The following ABCC1 variants were observed in gnomAD, a reference collection of about 807,000 sequenced individuals.
ABCC1 encodes the protein multidrug resistance-associated protein 1.
In ABCC1, 83 loss-of-function variants were observed where a neutral mutation model predicts 172.9. The ratio of observed to expected loss-of-function variants is 0.48; its 90% CI spans 0.40 to 0.58. The LOEUF is 0.58. Ranked by LOEUF, ABCC1 falls within the 20% of genes least tolerant of loss-of-function variation. ABCC1 has a pLI of 0.00. For missense variants in ABCC1, 1,817 were observed against 2,002.7 expected, an observed-to-expected ratio of 0.91 and a Z score of 1.77; for synonymous variants, 937 against 825.2, an observed-to-expected ratio of 1.14 and a Z score of -2.32.
intron 15 of ABCC1, among the ~76,000 whole-genome samples, chr16:16,077,193 G>T (rs879776992): frequency 3.9e-5 from 6 of 152,174 alleles, no homozygotes; most frequent in African/African-American, 1.4e-4. Flanking sequence ...AAACACAGGG[G>T]TGATGGGACC....
intron 5 of ABCC1, among the ~76,000 whole-genome samples, chr16:16,020,475 G>C (rs1027198868): frequency 4.6e-5 from 7 of 152,294 alleles, no homozygotes; most frequent in African/African-American, 1.7e-4. Context: ...CCTGCTGCCT[G>C]TTTTTGTAAA....
chr16:16,096,790 G>A lies in ABCC1; in HGVS notation c.2645-5837G>A, dbSNP rs529085784. On this transcript the variant is annotated intron_variant, in intron 19 of 30. Coordinates refer to ENST00000399410, the MANE Select transcript of ABCC1 (RefSeq NM_004996.4). ...TGGCAACGGAATACACAGACCCGGG[G>A]CAGCACTTAACGTACGTGGGTCAAG... 7.9e-5 allele frequency among the ~76,000 whole-genome samples: 12 copies of A among 152,250 alleles called. 1 individual carries two copies. In the South Asian group the frequency reaches 2.5e-3, roughly 32 times the overall value.
At chr16:16,077,843 T>G (rs2050639724) in intron 15 of ABCC1, among the ~76,000 whole-genome samples, 1 of 151,866 alleles carries the variant, frequency 6.6e-6, no homozygotes, top group African/African-American at 2.4e-5. Flanking sequence ...GCCAACATGG[T>G]GAAACCCTGT....
chr16:16,116,289 G>A (rs1269811908), intron 23 of ABCC1, among the ~76,000 whole-genome samples: 1 of 152,088 alleles, frequency 6.6e-6, no homozygotes, highest in Non-Finnish European at 1.5e-5. Context: ...GTGAGATCAA[G>A]GAAGGGAAGT....
At chr16:16,044,392 T>A in intron 7 of ABCC1, 58 bp from the exon 8 acceptor site, 2 of 1,452,758 alleles carry the variant, frequency 1.4e-6, no homozygotes, top group Non-Finnish European at 1.9e-6. Flanking sequence ...CATGTCCCTG[T>A]GGTAGGGGGC....
chr16:16,110,651 C>T (rs186057940), intron 21 of ABCC1, among the ~76,000 whole-genome samples: 9 of 152,128 alleles, frequency 5.9e-5, no homozygotes, highest in South Asian at 4.2e-4. Context: ...GGCCTACCGA[C>T]GTGCTGGGAT....
chr16:16,036,144 C>T (rs2048746768), intron 6 of ABCC1, among the ~76,000 whole-genome samples: 2 of 150,132 alleles, frequency 1.3e-5, no homozygotes, highest in South Asian at 2.1e-4. Context: ...AATGAATGAA[C>T]GAATAATAAA....
At chr16:16,028,873 G>C (rs1016970973) in intron 5 of ABCC1, among the ~76,000 whole-genome samples, 1 of 152,150 alleles carries the variant, frequency 6.6e-6, no homozygotes. Context: ...ACCCAGGTCT[G>C]TCCGGGTCCA....
intron 9 of ABCC1, among the ~76,000 whole-genome samples, chr16:16,047,623 A>T (rs374698105): frequency 1.3e-5 from 2 of 152,078 alleles, no homozygotes; most frequent in Non-Finnish European, 2.9e-5. Context: ...ATTGCTGCTA[A>T]AACTCCTACA....
At chr16:16,080,921 G>C (rs1441643407) in intron 16 of ABCC1, among the ~76,000 whole-genome samples, 1 of 152,108 alleles carries the variant, frequency 6.6e-6, no homozygotes, top group Non-Finnish European at 1.5e-5. Context: ...CTGGAGTGCA[G>C]TCGTGTGATC....
At chr16:15,961,871 C>T (rs567213867) in intron 1 of ABCC1, among the ~76,000 whole-genome samples, 126 of 151,638 alleles carry the variant, frequency 8.3e-4, no homozygotes, top group African/African-American at 2.7e-3. Context: ...CAAGGTCATT[C>T]CCAGTTCCTG....
At chr16:16,059,720 G>A (rs1362498110) in intron 12 of ABCC1, among the ~76,000 whole-genome samples, 4 of 151,974 alleles carry the variant, frequency 2.6e-5, no homozygotes, top group African/African-American at 9.7e-5. Flanking sequence ...CAGGAGGATC[G>A]CTTCAACCCA....
At chr16:16,072,152 G>A (rs1040667681) in intron 14 of ABCC1, among the ~76,000 whole-genome samples, 1 of 150,862 alleles carries the variant, frequency 6.6e-6, no homozygotes, top group African/African-American at 2.4e-5. Context: ...GGAAACAAAA[G>A]TACCTTTCTT....
chr16:15,997,281 CG>C (rs967760952), intron 1 of ABCC1, among the ~76,000 whole-genome samples: 2 of 152,036 alleles, frequency 1.3e-5, no homozygotes, highest in Non-Finnish European at 2.9e-5. Context: ...TTAGTAGAGA[CG>C]GGGTTTCACC....
chr16:16,097,504 G>A (rs571829909), intron 19 of ABCC1, among the ~76,000 whole-genome samples: 192 of 152,364 alleles, frequency 1.3e-3, no homozygotes, highest in African/African-American at 4.3e-3. Context: ...TTAAATGAGT[G>A]GATGAATCGC....
intron 20 of ABCC1, 26 bp downstream of exon 20, chr16:16,102,743 C>T (rs574975825): frequency 6.4e-7 from 1 of 1,551,064 alleles, no homozygotes; most frequent in South Asian, 1.2e-5. Context: ...AAGGCCCCAA[C>T]CTAAGGACCC....
Position 16,053,420 on chromosome 16 carries a change from T to C in ABCC1, c.1473+604T>C, listed in dbSNP as rs555980327. On this transcript the variant is annotated intron_variant, in intron 11 of 30. Transcript: ENST00000399410. ...AGGTGTGAGCCATCATGCCCGGCTTTCAGCTTTTTATTTTTGGAGATATTT... is the reference window on the plus strand; with the variant it reads ...AGGTGTGAGCCATCATGCCCGGCTTCCAGCTTTTTATTTTTGGAGATATTT... 1.8e-4 allele frequency among the ~76,000 whole-genome samples: 27 copies of C among 152,194 alleles called. No homozygotes were observed. The Middle Eastern group carries it at 0.01, about 58-fold the overall frequency.
chr16:15,997,553 C>T (rs1007658790), intron 1 of ABCC1, among the ~76,000 whole-genome samples: 2 of 152,002 alleles, frequency 1.3e-5, no homozygotes, highest in Non-Finnish European at 2.9e-5. Flanking sequence ...GCGTGGTGGG[C>T]CTGGCTGGAT....
At chr16:16,017,286 A>C (rs747670313) in intron 5 of ABCC1, among the ~76,000 whole-genome samples, 1 of 152,080 alleles carries the variant, frequency 6.6e-6, no homozygotes, top group Non-Finnish European at 1.5e-5. Context: ...GCTGGAGTGC[A>C]GTGGTGTGAT....
Sources: allele counts gnomAD v4.1 joint callset (sites outside exome capture counted in the v4.1 genomes callset), GRCh38; gene constraint gnomAD v4.1.1; transcripts MANE v1.5; gene names NCBI Gene and HGNC (gene_info 2026-07-23, HGNC 2026-07-21).